Variants in NUMB observed in about 807,000 individuals in gnomAD.
NUMB encodes protein numb homolog.
NUMB carries 29 observed loss-of-function variants against 59.7 expected under a neutral mutation model. That is an observed-to-expected ratio of 0.49 (90% confidence interval 0.36 to 0.66). The LOEUF (loss-of-function observed/expected upper bound fraction) is 0.66, where lower values mean the gene tolerates loss of function less well. Among genes scored for constraint, NUMB ranks in the 30% least tolerant of loss-of-function variants. The probability of loss-of-function intolerance (pLI) is 0.00; values close to 1 mark genes in which losing one functional copy is unlikely to be tolerated. For missense variants in NUMB, 723 were observed against 822.0 expected (o/e 0.88, Z 1.47); for synonymous variants, 288 against 288.2 (o/e 1.00, Z 0.01).
chr14:73,377,897 G>A (rs1274657551), intron 2 of NUMB, among the ~76,000 whole-genome samples: 1 of 152,020 alleles, frequency 6.6e-6, no homozygotes, highest in Non-Finnish European at 1.5e-5. Flanking sequence ...AACTCAGGAG[G>A]TGGAGGCTAC....
intron 7 of NUMB, among the ~76,000 whole-genome samples, chr14:73,295,339 T>G (rs1889705967): frequency 6.6e-6 from 1 of 152,322 alleles, no homozygotes; most frequent in South Asian, 2.1e-4. Context: ...TTACTACTAT[T>G]CAGTGTGGAA....
At chr14:73,428,513 G>T (rs1897682165) in intron 1 of NUMB, among the ~76,000 whole-genome samples, 1 of 152,142 alleles carries the variant, frequency 6.6e-6, no homozygotes, top group Non-Finnish European at 1.5e-5. Context: ...AAAAAACATG[G>T]CTAGGCACAG....
chr14:73,285,320 G>C (rs1324559942), intron 9 of NUMB: 1 of 151,850 alleles, frequency 6.6e-6, no homozygotes, highest in Non-Finnish European at 1.5e-5. Flanking sequence ...GTAGATCTTG[G>C]GACTCAATCT....
At chr14:73,368,537 C>T (rs1179315634) in intron 2 of NUMB, among the ~76,000 whole-genome samples, 3 of 151,516 alleles carry the variant, frequency 2.0e-5, no homozygotes, top group African/African-American at 4.9e-5. Flanking sequence ...GAGCCGAGAT[C>T]GCGCCATTGC....
chr14:73,398,086 C>T (rs1896222006), intron 2 of NUMB, among the ~76,000 whole-genome samples: 1 of 152,030 alleles, frequency 6.6e-6, no homozygotes, highest in Non-Finnish European at 1.5e-5. Context: ...GCTATAAAAC[C>T]CAGTTTCACA....
chr14:73,415,646 T>C lies in NUMB; in HGVS notation c.-232-5578A>G, dbSNP rs561544998. ...CACGCTCAGCTAATTTTTGTATTTT[T>C]AGTAGAGATGAGGTTTCACTATGTT... On this transcript the variant is annotated intron_variant, in intron 1 of 12. Transcript: ENST00000555238. Among the ~76,000 whole-genome samples, 15 of 152,246 alleles carry C rather than the reference T, an allele frequency of 9.9e-5. No homozygotes were observed. The South Asian group carries it at 3.1e-3, about 32-fold the overall frequency.
At position 73,428,206 on chromosome 14, in the gene NUMB, A is replaced by G. The variant is rs111905785; in HGVS notation, c.-232-18138T>C. The stretch of plus-strand genomic sequence containing the variant: ...ACTGTGTTTTAATAAAATATGAGTC[A>G]AATTAGTAATCCATCACTTAAATCC... On this transcript the variant is annotated intron_variant, in intron 1 of 12. Coordinates refer to ENST00000555238, the MANE Select transcript of NUMB (RefSeq NM_001005743.2). Among the ~76,000 whole-genome samples the G allele has an allele frequency of 6.6e-3, 1,010 of 152,334 alleles. 12 individuals carry two copies. Among genetic ancestry groups the G allele is most frequent in the African/African-American group, 0.024 (977 of 41,570 alleles).
intron 6 of NUMB, among the ~76,000 whole-genome samples, chr14:73,303,475 GA>G (rs1432159058): frequency 6.6e-6 from 1 of 152,090 alleles, no homozygotes. Context: ...AGCTGCTCTG[GA>G]GGCTGTGGCA....
At chr14:73,352,024 A>G (rs2140005919) in intron 4 of NUMB, among the ~76,000 whole-genome samples, 1 of 152,048 alleles carries the variant, frequency 6.6e-6, no homozygotes, top group African/African-American at 2.4e-5. Context: ...AAAATGCTTA[A>G]TAGGATTAAT....
intron 1 of NUMB, among the ~76,000 whole-genome samples, chr14:73,420,243 A>C (rs566119118): frequency 6.6e-6 from 1 of 152,346 alleles, no homozygotes; most frequent in Non-Finnish European, 1.5e-5. Context: ...CACTCACTGC[A>C]AGACACGTTG....
intron 4 of NUMB, among the ~76,000 whole-genome samples, chr14:73,330,334 A>G (rs1025629320): frequency 2.0e-5 from 3 of 152,108 alleles, no homozygotes; most frequent in African/African-American, 7.2e-5. Flanking sequence ...GCCTGGCCTT[A>G]AAGTATTTTC....
chr14:73,339,112 C>T (rs1276489123), intron 4 of NUMB, among the ~76,000 whole-genome samples: 2 of 152,044 alleles, frequency 1.3e-5, no homozygotes, highest in Non-Finnish European at 2.9e-5. Context: ...ATTGTTAGGG[C>T]CATTTACGTA....
rs543285864 is a variant in NUMB at position 73,422,743 on chromosome 14, A to G, written c.-232-12675T>C. Among the ~76,000 whole-genome samples, 452 of 152,212 alleles carry G rather than the reference A, an allele frequency of 3.0e-3. 2 individuals are homozygous for G. Among genetic ancestry groups the G allele is most frequent in the Middle Eastern group, 0.02 (6 of 294 alleles). ...ACATCTCACGTAAACTCACTGAGCA[A>G]GACTCATTTATCACCAAGGAGATAA... On this transcript the variant is annotated intron_variant, in intron 1 of 12. Transcript: ENST00000555238.
At chr14:73,394,746 T>A (rs1195383818) in intron 2 of NUMB, among the ~76,000 whole-genome samples, 1 of 152,216 alleles carries the variant, frequency 6.6e-6, no homozygotes, top group East Asian at 1.9e-4. Context: ...GAATTTGACT[T>A]TTCAAGACTC....
intron 4 of NUMB, among the ~76,000 whole-genome samples, chr14:73,350,468 C>G (rs1229719258): frequency 6.6e-6 from 1 of 151,782 alleles, no homozygotes; most frequent in Non-Finnish European, 1.5e-5. Flanking sequence ...CCACTGTGCC[C>G]AGCCTGTGTC....
chr14:73,349,577 G>GA (rs71112731), intron 4 of NUMB, among the ~76,000 whole-genome samples: 46 of 127,536 alleles, frequency 3.6e-4, no homozygotes, highest in African/African-American at 5.6e-4. Flanking sequence ...TCCATCTCAA[G>GA]AAAAAAAAAA....
intron 1 of NUMB, among the ~76,000 whole-genome samples, chr14:73,456,792 G>A (rs1290078297): frequency 6.6e-6 from 1 of 152,162 alleles, no homozygotes; most frequent in African/African-American, 2.4e-5. Flanking sequence ...GTGGTCCTCT[G>A]ACCAACGTGA....
chr14:73,347,193 AC>A (rs1264474022), intron 4 of NUMB, among the ~76,000 whole-genome samples: 1 of 150,902 alleles, frequency 6.6e-6, no homozygotes. Context: ...TCTGGTTTTA[AC>A]CCCCCACCCC....
intron 4 of NUMB, among the ~76,000 whole-genome samples, chr14:73,348,278 G>T (rs1893017292): frequency 6.6e-6 from 1 of 152,212 alleles, no homozygotes. Flanking sequence ...GAGGGAAGGA[G>T]TGACACAACA....
Sources: gnomAD v4.1 joint callset for allele counts (sites outside exome capture counted in the v4.1 genomes callset) on GRCh38, gnomAD v4.1.1 for gene constraint, MANE v1.5 for transcripts, NCBI Gene and HGNC (gene_info 2026-07-23, HGNC 2026-07-21) for gene names.